KCNQ5: variants seen among roughly 807,000 people sequenced by gnomAD.
KCNQ5 encodes potassium voltage-gated channel subfamily Q member 5, also known as potassium voltage-gated channel subfamily KQT member 5.
A neutral mutation model predicts 98.2 loss-of-function variants in KCNQ5; 30 were observed. The ratio of observed to expected loss-of-function variants is 0.31; its 90% CI spans 0.23 to 0.41. The LOEUF (loss-of-function observed/expected upper bound fraction) is 0.41, where lower values mean the gene tolerates loss of function less well. Ranked by LOEUF, KCNQ5 falls within the 10% of genes least tolerant of loss-of-function variation. The pLI is 1.00. For synonymous variants in KCNQ5, 458 were observed against 449.4 expected (o/e 1.02, Z -0.24); for missense variants, 835 against 1,182.5 (o/e 0.71, Z 4.31).
chr6:72,867,664 A>G (rs1778040807), intron 1 of KCNQ5, among the ~76,000 whole-genome samples: 1 of 152,086 alleles, frequency 6.6e-6, no homozygotes, highest in Non-Finnish European at 1.5e-5. Flanking sequence ...CTGGCTGAGT[A>G]TGGTGGCTCA....
chr6:73,135,233 A>G (rs1776415507), intron 10 of KCNQ5: 1 of 152,066 alleles, frequency 6.6e-6, no homozygotes, highest in Admixed American at 6.6e-5. Flanking sequence ...ATATAAATTC[A>G]TGTATCTATA....
At chr6:72,664,660 AAAAC>A (rs146656242) in intron 1 of KCNQ5, among the ~76,000 whole-genome samples, 40,854 of 150,416 alleles carry the variant, frequency 0.27, 5,852 homozygotes, top group African/African-American at 0.37. Flanking sequence ...TGTCTCAAGA[AAAAC>A]AAACAAACAA....
intron 8 of KCNQ5, among the ~76,000 whole-genome samples, chr6:73,121,293 G>A (rs1427684263): frequency 6.6e-6 from 1 of 150,574 alleles, no homozygotes; most frequent in Non-Finnish European, 1.5e-5. Context: ...AAGAACCAAG[G>A]ACATTATGGA....
chr6:73,141,346 G>A (rs1776701817), intron 10 of KCNQ5, among the ~76,000 whole-genome samples: 1 of 152,174 alleles, frequency 6.6e-6, no homozygotes. Flanking sequence ...ATTCTGGGGG[G>A]ACACAAACAT....
In KCNQ5 at chr6:73,020,870, C is replaced by G. The variant is rs192250736; in HGVS notation, c.489+16872C>G. ...GCTTCTCACATCCTGATCTTTCCTACATCTCTAGGCTAATTGCTGCACCAA... is the reference window on the plus strand; with the variant it reads ...GCTTCTCACATCCTGATCTTTCCTAGATCTCTAGGCTAATTGCTGCACCAA... On this transcript the variant is annotated intron_variant, in intron 2 of 13. Transcript: ENST00000370398. Among the ~76,000 whole-genome samples the G allele has an allele frequency of 1.5e-4, 23 of 152,222 alleles. No homozygotes were observed. The East Asian group carries it at 4.4e-3, about 29-fold the overall frequency.
chr6:72,726,589 CAG>C (rs1204182521), intron 1 of KCNQ5, among the ~76,000 whole-genome samples: 20 of 152,108 alleles, frequency 1.3e-4, no homozygotes, highest in Non-Finnish European at 2.6e-4. Flanking sequence ...TCAAGGTAAA[CAG>C]GGCACCTTTA....
intron 1 of KCNQ5, among the ~76,000 whole-genome samples, chr6:72,892,767 C>T (rs961052931): frequency 9.3e-5 from 14 of 150,306 alleles, no homozygotes; most frequent in African/African-American, 3.4e-4. Context: ...GATTTTGAAA[C>T]AGAACATTCA....
chr6:72,650,945 G>A (rs1023056326), intron 1 of KCNQ5, among the ~76,000 whole-genome samples: 13 of 152,068 alleles, frequency 8.5e-5, no homozygotes, highest in Non-Finnish European at 1.5e-5. Flanking sequence ...GGTCGATTAA[G>A]GTTGCAAAGG....
chr6:72,908,990 C>A (rs934240329), intron 1 of KCNQ5, among the ~76,000 whole-genome samples: 1 of 152,058 alleles, frequency 6.6e-6, no homozygotes, highest in Admixed American at 6.6e-5. Context: ...TCACTCTCTA[C>A]AATTAAAAAT....
chr6:72,622,880 A>G lies in KCNQ5; in HGVS notation c.398+293A>G, dbSNP rs2098916134. Among the ~76,000 whole-genome samples, 2 of 152,100 alleles carry G rather than the reference A, an allele frequency of 1.3e-5. No individual in the cohort carries two copies. Among genetic ancestry groups the G allele is most frequent in the African/African-American group, 4.8e-5 (2 of 41,418 alleles). On this transcript the variant is annotated intron_variant, in intron 1 of 13. Transcript: ENST00000370398. The surrounding 1 kb of genome is among the most constrained non-coding windows in gnomAD (Gnocchi z 6.0). The stretch of plus-strand genomic sequence containing the variant: ...ACGCGGGACTTAGGCTGCGCGGATA[A>G]TTGGGAGCAATTAGGTCCCAAGATA...
chr6:72,867,483 T>C (rs982084689), intron 1 of KCNQ5, among the ~76,000 whole-genome samples: 2 of 152,182 alleles, frequency 1.3e-5, no homozygotes, highest in Non-Finnish European at 2.9e-5. Context: ...TAGGGCATAC[T>C]TGAAGAAAAA....
intron 1 of KCNQ5, among the ~76,000 whole-genome samples, chr6:72,635,963 A>G (rs2098923893): frequency 6.6e-6 from 1 of 151,930 alleles, no homozygotes; most frequent in Non-Finnish European, 1.5e-5. Context: ...TTATGCTCAA[A>G]TTTCTTAGAA....
intron 1 of KCNQ5, among the ~76,000 whole-genome samples, chr6:72,689,334 CA>C (rs1433667554): frequency 7.2e-5 from 11 of 152,160 alleles, no homozygotes; most frequent in Non-Finnish European, 1.5e-4. Context: ...ACAGAAAAAA[CA>C]AAACAGAAAA....
At position 73,196,939 on chromosome 6, in the gene KCNQ5, A is replaced by C. The variant is rs1328642419; in HGVS notation, c.*1525A>C. 2 of 152,184 alleles carry C rather than the reference A, an allele frequency of 1.3e-5. No homozygotes were observed. Among genetic ancestry groups the C allele is most frequent in the African/African-American group, 2.4e-5 (1 of 41,450 alleles). The allele number at this position is 152,184 out of a possible 1,614,324, so 9.4% of individuals were successfully genotyped here. A position where few individuals can be genotyped will look rare whatever the true frequency, so the allele number is the denominator to read the frequency against. On this transcript the variant is annotated 3_prime_UTR_variant, in exon 14 of 14. Coordinates refer to ENST00000370398, the MANE Select transcript of KCNQ5 (RefSeq NM_019842.4). ...CCAACGTAATGACATTCAAAAAAAA[A>C]GGACATAAGAGATAGCATTTCAATT...
intron 1 of KCNQ5, among the ~76,000 whole-genome samples, chr6:72,734,511 G>A (rs1402516312): frequency 2.6e-5 from 4 of 151,898 alleles, no homozygotes; most frequent in Non-Finnish European, 4.4e-5. Flanking sequence ...TAGTAGAGAC[G>A]GGGTTTCGAC....
intron 1 of KCNQ5, among the ~76,000 whole-genome samples, chr6:73,002,131 A>T (rs936086205): frequency 6.6e-6 from 1 of 152,092 alleles, no homozygotes; most frequent in African/African-American, 2.4e-5. Context: ...CCCTATTTCT[A>T]AAAAAATAAA....
chr6:72,988,057 G>C (rs1199876171), intron 1 of KCNQ5, among the ~76,000 whole-genome samples: 2 of 152,152 alleles, frequency 1.3e-5, no homozygotes, highest in Non-Finnish European at 2.9e-5. Context: ...GCTCATGTTT[G>C]GGGAGCCAGG....
chr6:72,913,274 C>A (rs1352321928), intron 1 of KCNQ5, among the ~76,000 whole-genome samples: 1 of 152,082 alleles, frequency 6.6e-6, no homozygotes, highest in African/African-American at 2.4e-5. Flanking sequence ...AGGGAACTCT[C>A]AAGTTAGCCC....
intron 5 of KCNQ5, among the ~76,000 whole-genome samples, chr6:73,085,879 C>T (rs981493117): frequency 1.3e-5 from 2 of 152,072 alleles, no homozygotes; most frequent in African/African-American, 2.4e-5. Flanking sequence ...AAGGAAACCA[C>T]GAAATGTAAC....
Sources: allele counts gnomAD v4.1 joint callset (sites outside exome capture counted in the v4.1 genomes callset), GRCh38; gene constraint gnomAD v4.1.1; non-coding constraint Gnocchi (gnomAD v3.1); transcripts MANE v1.5; gene names NCBI Gene and HGNC (gene_info 2026-07-23, HGNC 2026-07-21).